KCNQ3: variants seen among roughly 807,000 people sequenced by gnomAD.
KCNQ3 encodes potassium voltage-gated channel subfamily KQT member 3.
Under a neutral mutation model 92.5 loss-of-function variants are expected in KCNQ3, and 30 were observed. The ratio of observed to expected loss-of-function variants is 0.32; its 90% CI spans 0.24 to 0.44. The LOEUF is 0.44. KCNQ3 is among the 20% of genes least tolerant of loss of function. KCNQ3 has a pLI of 1.00. For synonymous variants in KCNQ3, 450 were observed against 468.8 expected (o/e 0.96, Z 0.52); for missense variants, 913 against 1,140.3 (o/e 0.80, Z 2.87).
chr8:132,474,707 G>A (rs572691495), intron 1 of KCNQ3, among the ~76,000 whole-genome samples: 3 of 152,178 alleles, frequency 2.0e-5, no homozygotes, highest in South Asian at 2.1e-4. Context: ...AGCCTGCTGT[G>A]GAGTGGTAAG....
At chr8:132,338,897 G>T (rs7824424) in intron 1 of KCNQ3, among the ~76,000 whole-genome samples, 10,148 of 152,272 alleles carry the variant, frequency 0.067, 711 homozygotes, top group African/African-American at 0.17. Context: ...AATGGGGCTT[G>T]TACAACGTGG....
At position 132,342,554 on chromosome 8, in the gene KCNQ3, G is replaced by A. The variant is rs1309570029; in HGVS notation, c.386+137593C>T. ...AGAAAAAATCCAGATTCTCCCTCTT[G>A]TGAAAAATAAGATCTGATAAATTAT... On this transcript the variant is annotated intron_variant, in intron 1 of 14. Coordinates refer to ENST00000388996, the MANE Select transcript of KCNQ3 (RefSeq NM_004519.4). Among the ~76,000 whole-genome samples, 6 of 152,266 alleles carry A rather than the reference G, an allele frequency of 3.9e-5. No individual in the cohort carries two copies. In the South Asian group the frequency reaches 6.2e-4, roughly 16 times the overall value.
intron 1 of KCNQ3, among the ~76,000 whole-genome samples, chr8:132,448,382 CT>C (rs35796599): frequency 0.23 from 34,286 of 151,594 alleles, 4,103 homozygotes; most frequent in African/African-American, 0.3. Flanking sequence ...AGATGGGTTT[CT>C]GCTACCAGCC....
intron 1 of KCNQ3, among the ~76,000 whole-genome samples, chr8:132,276,004 G>T (rs1816316391): frequency 6.6e-6 from 1 of 152,084 alleles, no homozygotes; most frequent in African/African-American, 2.4e-5. Context: ...ACTTACTAGG[G>T]GTCGCTACAC....
At chr8:132,418,650 G>T (rs1213774294) in intron 1 of KCNQ3, among the ~76,000 whole-genome samples, 2 of 152,168 alleles carry the variant, frequency 1.3e-5, no homozygotes, top group Admixed American at 6.5e-5. Context: ...GCCAGGTGTG[G>T]TGGTGCGTGC....
chr8:132,363,428 G>A (rs1185267218), intron 1 of KCNQ3, among the ~76,000 whole-genome samples: 1 of 152,124 alleles, frequency 6.6e-6, no homozygotes, highest in African/African-American at 2.4e-5. Context: ...TTTGGAAAAT[G>A]CTACCGGGCC....
intron 1 of KCNQ3, among the ~76,000 whole-genome samples, chr8:132,421,762 G>T (rs934784477): frequency 4.6e-5 from 7 of 152,206 alleles, no homozygotes; most frequent in Non-Finnish European, 5.9e-5. Context: ...TGGCCTAGAT[G>T]AACCCTCCAC....
chr8:132,170,207 C>A, intron 8 of KCNQ3, 127 bp downstream of exon 8: 2 of 741,156 alleles, frequency 2.7e-6, no homozygotes, highest in South Asian at 1.5e-5. Flanking sequence ...TTCTAGGGTG[C>A]AGCCCAAATT....
At chr8:132,404,946 C>T (rs1257434916) in intron 1 of KCNQ3, among the ~76,000 whole-genome samples, 1 of 152,122 alleles carries the variant, frequency 6.6e-6, no homozygotes, top group Non-Finnish European at 1.5e-5. Context: ...AGGGAAGACT[C>T]CCAAGTGACC....
At chr8:132,337,253 G>C (rs922419027) in intron 1 of KCNQ3, among the ~76,000 whole-genome samples, 18 of 152,178 alleles carry the variant, frequency 1.2e-4, no homozygotes, top group Non-Finnish European at 2.6e-4. Flanking sequence ...GCAGTCCAAG[G>C]CAGGAGGATC....
chr8:132,335,506 C>T (rs1049120149), intron 1 of KCNQ3, among the ~76,000 whole-genome samples: 8 of 152,096 alleles, frequency 5.3e-5, no homozygotes, highest in Non-Finnish European at 1.0e-4. Flanking sequence ...TGATAACCGC[C>T]CAGCTACTCA....
At chr8:132,437,713 T>C (rs1821432091) in intron 1 of KCNQ3, among the ~76,000 whole-genome samples, 1 of 152,230 alleles carries the variant, frequency 6.6e-6, no homozygotes, top group Admixed American at 6.5e-5. Flanking sequence ...ACATCTAGGT[T>C]GCTTGGGAGA....
In KCNQ3 at chr8:132,478,496, T is replaced by A. The variant is rs571635350; in HGVS notation, c.386+1651A>T. On this transcript the variant is annotated intron_variant, in intron 1 of 14. Transcript: ENST00000388996. ...ATTTCAGTATTCACTTCAATTTAAC[T>A]AAACATATTGCTAGAGACAGAGAGA... 2.0e-5 allele frequency among the ~76,000 whole-genome samples: 3 copies of A among 152,338 alleles called. No individual in the cohort carries two copies. The East Asian group carries it at 5.8e-4, about 29-fold the overall frequency.
chr8:132,365,521 C>T (rs1048016973), intron 1 of KCNQ3, among the ~76,000 whole-genome samples: 3 of 152,192 alleles, frequency 2.0e-5, no homozygotes, highest in Non-Finnish European at 4.4e-5. Flanking sequence ...CCAGGGTTTT[C>T]AGGCCGGCTC....
At chr8:132,171,643 G>A (rs568087832) in intron 7 of KCNQ3, among the ~76,000 whole-genome samples, 6 of 152,128 alleles carry the variant, frequency 3.9e-5, no homozygotes, top group Admixed American at 2.0e-4. Context: ...TTAATATTTT[G>A]CACATGTAAG....
At chr8:132,204,581 T>A (rs1419539108) in intron 1 of KCNQ3, among the ~76,000 whole-genome samples, 1 of 152,126 alleles carries the variant, frequency 6.6e-6, no homozygotes, top group African/African-American at 2.4e-5. Context: ...TAACCCACCA[T>A]CTCTTCATCC....
intron 1 of KCNQ3, among the ~76,000 whole-genome samples, chr8:132,452,838 G>T (rs1379882025): frequency 6.6e-6 from 1 of 152,180 alleles, no homozygotes; most frequent in Non-Finnish European, 1.5e-5. Flanking sequence ...ACACACTACA[G>T]TCTGGCCCCA....
intron 1 of KCNQ3, among the ~76,000 whole-genome samples, chr8:132,248,822 G>A (rs915259251): frequency 2.0e-5 from 3 of 152,180 alleles, no homozygotes; most frequent in Non-Finnish European, 4.4e-5. Flanking sequence ...AGAGACAGAT[G>A]TTTGCTGGGA....
rs371992680 is a variant in KCNQ3 at position 132,125,513 on chromosome 8, T to C, written c.*3749A>G. On this transcript the variant is annotated 3_prime_UTR_variant, in exon 15 of 15. Coordinates refer to ENST00000388996, the MANE Select transcript of KCNQ3 (RefSeq NM_004519.4). ...AGTGCACTGCAAAGTTCTGGGCATA[T>C]ATTGGTGCTTAATAAACCCTGTTAA... 1.3e-5 allele frequency: 2 copies of C among 152,346 alleles called. No homozygotes were observed. Among genetic ancestry groups the C allele is most frequent in the East Asian group, 3.9e-4 (2 of 5,182 alleles). The allele number at this position is 152,346 out of a possible 1,614,324, so 9.4% of individuals were successfully genotyped here.
Sources: allele counts gnomAD v4.1 joint callset (sites outside exome capture counted in the v4.1 genomes callset), GRCh38; gene constraint gnomAD v4.1.1; transcripts MANE v1.5; gene names NCBI Gene and HGNC (gene_info 2026-07-23, HGNC 2026-07-21).